The following DOCK1 variants were observed in gnomAD, a reference collection of about 807,000 sequenced individuals.
DOCK1 encodes the protein dedicator of cytokinesis protein 1.
Under a neutral mutation model 262.7 loss-of-function variants are expected in DOCK1, and 138 were observed. That is an observed-to-expected ratio of 0.53 (90% CI 0.46 to 0.61). The LOEUF (loss-of-function observed/expected upper bound fraction) is 0.61. Among genes scored for constraint, DOCK1 ranks in the 20% least tolerant of loss-of-function variants. The probability of loss-of-function intolerance (pLI) is 0.00; values close to 1 mark genes in which losing one functional copy is unlikely to be tolerated. For missense variants in DOCK1, 1,908 were observed against 2,370.7 expected (o/e 0.80, Z 4.05); for synonymous variants, 866 against 867.4 (o/e 1.00, Z 0.03).
chr10:127,037,661 CAGAGACAGA>C, intron 18 of DOCK1, 49 bp from the exon 19 acceptor site: 2 of 1,439,352 alleles, frequency 1.4e-6, no homozygotes, highest in Admixed American at 4.6e-5. Flanking sequence ...GCATGATTAA[CAGAGACAGA>C]ACAGAGTTTC....
intron 27 of DOCK1, chr10:127,135,459 T>C (rs566306148): frequency 6.6e-6 from 1 of 152,658 alleles, no homozygotes; most frequent in East Asian, 1.9e-4. Context: ...TAAAAATTAA[T>C]AAAGAACTTA....
At chr10:127,275,254 A>G (rs1411905638) in intron 29 of DOCK1, among the ~76,000 whole-genome samples, 1 of 147,214 alleles carries the variant, frequency 6.8e-6, no homozygotes, top group South Asian at 2.1e-4. Context: ...TAATAGGAAG[A>G]AAAAAAAAAA....
chr10:127,404,037 G>T (rs2067372467), intron 39 of DOCK1, among the ~76,000 whole-genome samples: 1 of 152,126 alleles, frequency 6.6e-6, no homozygotes, highest in Non-Finnish European at 1.5e-5. Context: ...CACTTCTTTG[G>T]TTATTGAAAA....
intron 27 of DOCK1, among the ~76,000 whole-genome samples, chr10:127,164,645 TACAG>T (rs759004714): frequency 6.6e-6 from 1 of 152,226 alleles, no homozygotes; most frequent in Non-Finnish European, 1.5e-5. Context: ...CAGGGACAAA[TACAG>T]AGATGAACAC....
rs1324682121 is a variant in DOCK1 at position 127,426,030 on chromosome 10, T to C, written c.4914+19T>C. The C allele has an allele frequency of 1.2e-6, 2 of 1,613,356 alleles. No individual in the cohort carries two copies. The highest frequency in any genetic ancestry group is 1.7e-5 in the Admixed American group (1 of 60,012). ...AATCATGGTAAGAGGGTAGTATGCG[T>C]AGTGTTGCAGAAGAGTGGGTGTCTG... On this transcript the variant is annotated intron_variant, in intron 47 of 51. Transcript: ENST00000623213.
intron 1 of DOCK1, among the ~76,000 whole-genome samples, chr10:126,965,656 A>G (rs1327866345): frequency 6.6e-6 from 1 of 152,074 alleles, no homozygotes; most frequent in Non-Finnish European, 1.5e-5. Flanking sequence ...AAGTGGGCTG[A>G]TGGGCTTACT....
chr10:127,271,553 T>C (rs2060568921), intron 29 of DOCK1, among the ~76,000 whole-genome samples: 1 of 152,214 alleles, frequency 6.6e-6, no homozygotes, highest in Non-Finnish European at 1.5e-5. Flanking sequence ...TACATTGTTT[T>C]TCATGCAAGA....
At position 127,244,583 on chromosome 10, in the gene DOCK1, G is replaced by A. The variant is rs764250377; in HGVS notation, c.2848-3425G>A. ...ATTGAAATACTTCTTTGCTATTTTGGCAGGCAAATAATGATGTATCATTTT... is the reference window on the plus strand; with the variant it reads ...ATTGAAATACTTCTTTGCTATTTTGACAGGCAAATAATGATGTATCATTTT... On this transcript the variant is annotated intron_variant, in intron 27 of 51. Coordinates refer to ENST00000623213, the MANE Select transcript of DOCK1 (RefSeq NM_001290223.2). 5.3e-4 allele frequency among the ~76,000 whole-genome samples: 80 copies of A among 151,990 alleles called. 1 individual carries two copies. The highest frequency in any genetic ancestry group is 3.1e-4 in the Non-Finnish European group (21 of 68,030).
At chr10:127,351,050 C>A (rs1040444978) in intron 31 of DOCK1, among the ~76,000 whole-genome samples, 1 of 152,128 alleles carries the variant, frequency 6.6e-6, no homozygotes, top group South Asian at 2.1e-4. Context: ...GCTGGCCTTA[C>A]CCCCAAGCCT....
chr10:127,018,096 G>A lies in DOCK1; in HGVS notation c.1202-614G>A, dbSNP rs150520770. On this transcript the variant is annotated intron_variant, in intron 12 of 51. Coordinates refer to ENST00000623213, the MANE Select transcript of DOCK1 (RefSeq NM_001290223.2). ...CATTTCTCTCTTGGAGAAAAGAGCC[G>A]AGAGCGGCTGGGGCTTTGTTTTCTT... Among the ~76,000 whole-genome samples the A allele has an allele frequency of 3.1e-3, 473 of 152,292 alleles. 1 individual carries two copies. The highest frequency in any genetic ancestry group is 0.01 in the African/African-American group (418 of 41,568).
chr10:127,128,565 G>A (rs995026481), intron 27 of DOCK1, among the ~76,000 whole-genome samples: 3 of 151,850 alleles, frequency 2.0e-5, no homozygotes, highest in African/African-American at 4.8e-5. Flanking sequence ...AGCAGGCCCC[G>A]GTGTGTGTGG....
chr10:126,958,746 G>A (rs1269005046), intron 1 of DOCK1, among the ~76,000 whole-genome samples: 7 of 152,130 alleles, frequency 4.6e-5, no homozygotes, highest in African/African-American at 1.7e-4. Flanking sequence ...TGAGGGAGGC[G>A]CTGCTTAGTT....
chr10:127,172,100 T>G (rs112052436), intron 27 of DOCK1, among the ~76,000 whole-genome samples: 1 of 152,310 alleles, frequency 6.6e-6, no homozygotes, highest in South Asian at 2.1e-4. Context: ...TGTTTTCTTT[T>G]TTTGTTTGTT....
intron 27 of DOCK1, among the ~76,000 whole-genome samples, chr10:127,219,618 A>G (rs1215796204): frequency 6.6e-6 from 1 of 152,154 alleles, no homozygotes; most frequent in East Asian, 1.9e-4. Flanking sequence ...CTCTCTACCC[A>G]TTAAATAACA....
intron 4 of DOCK1, among the ~76,000 whole-genome samples, chr10:126,983,141 A>G (rs2134871064): frequency 6.6e-6 from 1 of 152,194 alleles, no homozygotes; most frequent in East Asian, 1.9e-4. Flanking sequence ...AAATGCATAG[A>G]GCTATGGTGA....
At chr10:127,192,992 ATGTT>A (rs1232482830) in intron 27 of DOCK1, among the ~76,000 whole-genome samples, 2 of 152,178 alleles carry the variant, frequency 1.3e-5, no homozygotes, top group Non-Finnish European at 2.9e-5. Context: ...ACTTCTCTCA[ATGTT>A]TGTATGAGAA....
At chr10:127,352,356 C>T (rs1037111749) in intron 31 of DOCK1, among the ~76,000 whole-genome samples, 3 of 151,650 alleles carry the variant, frequency 2.0e-5, no homozygotes, top group Non-Finnish European at 4.4e-5. Context: ...GGAGCGGATG[C>T]ACCTGGCCTC....
chr10:126,946,410 G>A (rs2134297909), intron 1 of DOCK1, among the ~76,000 whole-genome samples: 1 of 152,246 alleles, frequency 6.6e-6, no homozygotes, highest in African/African-American at 2.4e-5. Flanking sequence ...AGCTGGATGT[G>A]GTGGCGGGCA....
intron 38 of DOCK1, among the ~76,000 whole-genome samples, chr10:127,396,674 C>T (rs899823857): frequency 2.0e-5 from 3 of 150,660 alleles, no homozygotes; most frequent in African/African-American, 7.4e-5. Context: ...TCTCTTGCTG[C>T]CTGCTTTAGT....
Sources: allele counts gnomAD v4.1 joint callset (sites outside exome capture counted in the v4.1 genomes callset), GRCh38; gene constraint gnomAD v4.1.1; transcripts MANE v1.5; gene names NCBI Gene and HGNC (gene_info 2026-07-23, HGNC 2026-07-21).